Variants in PHF21B observed in about 807,000 individuals in gnomAD.
The protein encoded by PHF21B is PHD finger protein 21B.
In PHF21B, 22 loss-of-function variants were observed where a neutral mutation model predicts 62.2. The observed-to-expected ratio is 0.35, with a 90% confidence interval of 0.25 to 0.51. The LOEUF (loss-of-function observed/expected upper bound fraction) is 0.51. Ranked by LOEUF, PHF21B falls within the 20% of genes least tolerant of loss-of-function variation. The pLI, the probability that PHF21B is intolerant of heterozygous loss-of-function variation, is 0.97. For synonymous variants in PHF21B, 341 were observed against 314.7 expected (o/e 1.08, Z -0.88); for missense variants, 701 against 707.9 (o/e 0.99, Z 0.11).
At chr22:44,887,521 C>T (rs1405462397) in intron 10 of PHF21B, among the ~76,000 whole-genome samples, 4 of 151,930 alleles carry the variant, frequency 2.6e-5, no homozygotes, top group African/African-American at 9.7e-5. Context: ...GCTGCTTCCC[C>T]TCTAGTCTTG....
intron 2 of PHF21B, among the ~76,000 whole-genome samples, chr22:44,983,673 A>T (rs2072883398): frequency 6.6e-6 from 1 of 152,230 alleles, no homozygotes; most frequent in Admixed American, 6.5e-5. Context: ...AAACCAATGC[A>T]GATGAAGAGA....
At chr22:44,911,762 G>GC (rs1458417593) in intron 5 of PHF21B, among the ~76,000 whole-genome samples, 1 of 152,244 alleles carries the variant, frequency 6.6e-6, no homozygotes, top group Non-Finnish European at 1.5e-5. Flanking sequence ...TGCAGTTGGA[G>GC]CCCCTACACG....
At chr22:44,973,833 G>T (rs1010386742) in intron 2 of PHF21B, among the ~76,000 whole-genome samples, 1 of 152,226 alleles carries the variant, frequency 6.6e-6, no homozygotes, top group Non-Finnish European at 1.5e-5. Context: ...ACAAGACCTA[G>T]CCCAGCACTG....
At chr22:44,907,260 G>A (rs951258345) in intron 5 of PHF21B, among the ~76,000 whole-genome samples, 22 of 152,222 alleles carry the variant, frequency 1.4e-4, no homozygotes, top group African/African-American at 4.8e-4. Context: ...TTCTGTTATG[G>A]CTGAAATCAG....
chr22:44,915,398 C>T (rs1009801315), intron 4 of PHF21B, among the ~76,000 whole-genome samples: 4 of 152,240 alleles, frequency 2.6e-5, no homozygotes, highest in Admixed American at 2.0e-4. Context: ...ACATCAAATG[C>T]TGGTGCAGTT....
chr22:44,886,828 C>T (rs1299290461), intron 10 of PHF21B, among the ~76,000 whole-genome samples: 1 of 152,196 alleles, frequency 6.6e-6, no homozygotes, highest in East Asian at 1.9e-4. Flanking sequence ...ATGATGGGAA[C>T]TCCCAATGGT....
At chr22:44,918,400 T>A (rs2071477084) in intron 3 of PHF21B, among the ~76,000 whole-genome samples, 2 of 152,178 alleles carry the variant, frequency 1.3e-5, no homozygotes, top group East Asian at 3.9e-4. Flanking sequence ...GAAACTAAGC[T>A]CAGCTGGAAG....
chr22:44,922,461 C>A (rs959027492), intron 2 of PHF21B, among the ~76,000 whole-genome samples: 2 of 152,080 alleles, frequency 1.3e-5, no homozygotes, highest in Non-Finnish European at 2.9e-5. Flanking sequence ...GGAGAAACCC[C>A]ATCTCTACTA....
chr22:44,899,285 CTTTTT>C (rs71188499), intron 5 of PHF21B, among the ~76,000 whole-genome samples: 3 of 97,564 alleles, frequency 3.1e-5, no homozygotes, highest in Middle Eastern at 5.6e-3. Context: ...TGTTCTTATT[CTTTTT>C]TTTTTTTTTT....
At chr22:44,972,585 C>T (rs370797402) in intron 2 of PHF21B, among the ~76,000 whole-genome samples, 2 of 152,200 alleles carry the variant, frequency 1.3e-5, no homozygotes, top group Non-Finnish European at 2.9e-5. Context: ...CCACACTGCA[C>T]GCCCTGACAT....
chr22:44,973,206 T>C (rs77583906), intron 2 of PHF21B, among the ~76,000 whole-genome samples: 4,432 of 152,184 alleles, frequency 0.029, 90 homozygotes, highest in Non-Finnish European at 0.041. Context: ...AAACGGGGTC[T>C]GCTGGTCTCC....
rs969751922 is a variant in PHF21B, at chr22:44,948,681, ACT to A, written c.121-28193_121-28192del. Among the ~76,000 whole-genome samples the A allele has an allele frequency of 7.1e-4, 104 of 146,382 alleles. 1 individual carries two copies. Among genetic ancestry groups the A allele is most frequent in the African/African-American group, 2.6e-3 (101 of 38,430 alleles). On this transcript the variant is annotated intron_variant, in intron 2 of 12. Transcript: ENST00000313237. Reference sequence around the variant, plus strand: ...ACTCCAGCATGGGTGACAGAGTGAGACTCTGTCTGGAAAAAAAAAAAAAAAAG... The same window carrying A: ...ACTCCAGCATGGGTGACAGAGTGAGACTGTCTGGAAAAAAAAAAAAAAAAG...
intron 5 of PHF21B, among the ~76,000 whole-genome samples, chr22:44,908,630 T>C (rs2071293051): frequency 1.3e-5 from 2 of 152,184 alleles, no homozygotes; most frequent in African/African-American, 4.8e-5. Flanking sequence ...ACACCAATCA[T>C]GTTTCTTCAC....
At chr22:44,908,029 A>G (rs2071281418) in intron 5 of PHF21B, among the ~76,000 whole-genome samples, 2 of 152,198 alleles carry the variant, frequency 1.3e-5, no homozygotes, top group African/African-American at 4.8e-5. Context: ...TATGCAGGAA[A>G]AGCTGGGAGC....
intron 2 of PHF21B, among the ~76,000 whole-genome samples, chr22:44,989,890 G>A (rs1271704483): frequency 2.6e-5 from 4 of 152,180 alleles, no homozygotes; most frequent in South Asian, 2.1e-4. Flanking sequence ...GATTACAGGC[G>A]TGAGCCACCA....
intron 2 of PHF21B, among the ~76,000 whole-genome samples, chr22:44,996,823 C>G (rs986390491): frequency 1.6e-4 from 25 of 151,868 alleles, no homozygotes; most frequent in African/African-American, 5.3e-4. Flanking sequence ...CATAAGCATA[C>G]ACAGAGGTGG....
intron 5 of PHF21B, among the ~76,000 whole-genome samples, chr22:44,900,105 TTCTCC>T (rs753993918): frequency 6.6e-6 from 1 of 152,188 alleles, no homozygotes; most frequent in African/African-American, 2.4e-5. Context: ...CTTTCCCTCC[TTCTCC>T]TCTCAATTTT....
intron 2 of PHF21B, among the ~76,000 whole-genome samples, chr22:45,007,213 A>G (rs2073332367): frequency 1.3e-5 from 1 of 74,898 alleles, no homozygotes; most frequent in Non-Finnish European, 2.7e-5. Context: ...TCTTCCTTTC[A>G]GCAAGCCCGG....
intron 2 of PHF21B, among the ~76,000 whole-genome samples, chr22:44,933,016 C>T (rs532478966): frequency 7.9e-5 from 12 of 152,268 alleles, no homozygotes; most frequent in Admixed American, 1.3e-4. Context: ...ACAAGGCACT[C>T]GCCAAGGAGA....
Sources: gnomAD v4.1 joint callset for allele counts (sites outside exome capture counted in the v4.1 genomes callset) on GRCh38, gnomAD v4.1.1 for gene constraint, MANE v1.5 for transcripts, NCBI Gene and HGNC (gene_info 2026-07-23, HGNC 2026-07-21) for gene names.